Variants in RYR3 observed in about 807,000 individuals in gnomAD.
The protein encoded by RYR3 is ryanodine receptor 3, also known as brain ryanodine receptor-calcium release channel.
A neutral mutation model predicts 584.3 loss-of-function variants in RYR3; 207 were observed. The ratio of observed to expected loss-of-function variants is 0.35; its 90% CI spans 0.32 to 0.40. RYR3 has a LOEUF of 0.40. Among genes scored for constraint, RYR3 ranks in the 10% least tolerant of loss-of-function variants. RYR3 has a pLI of 1.00. For missense variants in RYR3, 5,616 were observed against 6,089.2 expected (o/e 0.92, Z 2.59); for synonymous variants, 2,416 against 2,248.5 (o/e 1.07, Z -2.11).
chr15:33,364,326 C>T (rs1975180104), intron 1 of RYR3, among the ~76,000 whole-genome samples: 1 of 152,080 alleles, frequency 6.6e-6, no homozygotes, highest in South Asian at 2.1e-4. Context: ...TCTCCTTTTT[C>T]TCTGAGTTTC....
intron 84 of RYR3, 123 bp from the exon 85 acceptor site, chr15:33,827,076 C>A: frequency 2.4e-6 from 2 of 850,398 alleles, no homozygotes; most frequent in Non-Finnish European, 3.8e-6. Flanking sequence ...CTGCCATGAC[C>A]CAAACATGGT....
At chr15:33,508,462 A>C (rs1016810100) in intron 3 of RYR3, among the ~76,000 whole-genome samples, 1 of 152,046 alleles carries the variant, frequency 6.6e-6, no homozygotes, top group African/African-American at 2.4e-5. Flanking sequence ...ATCCTGGCTA[A>C]CACAGTGAAA....
At position 33,662,864 on chromosome 15, in the gene RYR3, T is replaced by TGTGGAGGCTGGGGAGAAGGCC. The variant is rs2063248183; in HGVS notation, c.5336_5356dup (p.Val1779_Ala1785dup). 4.3e-6 allele frequency: 7 copies of TGTGGAGGCTGGGGAGAAGGCC among 1,613,722 alleles called. No individual in the cohort carries two copies. Among genetic ancestry groups the TGTGGAGGCTGGGGAGAAGGCC allele is most frequent in the Non-Finnish European group, 5.9e-6 (7 of 1,179,852 alleles). Reference sequence around the variant, plus strand: ...AAGTGACCCAGGTGGAGGAGAAGGCTGTGGAGGCTGGGGAGAAGGCCGGCA... The same window carrying TGTGGAGGCTGGGGAGAAGGCC: ...AAGTGACCCAGGTGGAGGAGAAGGCTGTGGAGGCTGGGGAGAAGGCCGTGGAGGCTGGGGAGAAGGCCGGCA... On this transcript the variant is annotated inframe_insertion, in exon 35 of 104. Transcript: ENST00000634891.
In RYR3 at chr15:33,617,991, G is replaced by C. The variant is rs149467059; in HGVS notation, c.2357+4616G>C. On this transcript the variant is annotated intron_variant, in intron 19 of 103. Transcript: ENST00000634891. The stretch of plus-strand genomic sequence containing the variant: ...TAACAACCGTATTCATTATAGAATA[G>C]AATTTGGGATGAGGTATATGTACCT... Among the ~76,000 whole-genome samples, 135 of 152,250 alleles carry C rather than the reference G, an allele frequency of 8.9e-4. 2 individuals carry two copies. In the East Asian group the frequency reaches 0.025, roughly 28 times the overall value.
In RYR3 at chr15:33,596,924, G is replaced by A. The variant is rs1049918952; in HGVS notation, c.1789-4495G>A. On this transcript the variant is annotated intron_variant, in intron 16 of 103. Coordinates refer to ENST00000634891, the MANE Select transcript of RYR3 (RefSeq NM_001036.6). ...CCTTGTTCATTCCTGGGCATAGGCC[G>A]AACTAACTTTGAGAGGAACATAGTT... Among the ~76,000 whole-genome samples the A allele has an allele frequency of 4.0e-5, 6 of 151,812 alleles. No individual in the cohort carries two copies. In the South Asian group the frequency reaches 8.3e-4, roughly 21 times the overall value.
In RYR3 at chr15:33,623,830, G is replaced by A. The variant is rs779689282; in HGVS notation, c.2381G>A (p.Arg794His). 25 of 1,612,956 alleles carry A rather than the reference G, an allele frequency of 1.5e-5. No homozygotes were observed. The highest frequency in any genetic ancestry group is 9.3e-5 in the African/African-American group (7 of 74,868). Residue 794 changes from arginine (R) to histidine (H), a missense_variant, in exon 20 of 104, where the codon CGT becomes CAT. By Grantham distance (29) the Arg-to-His change is conservative. Transcript: ENST00000634891. The stretch of plus-strand genomic sequence containing the variant: ...AGAGTACGTTTCCTGATGGGTGGAC[G>A]TCATGGAGAGTTTAAGTTCCTGCCT... ...GVKVRFLMGG[R>H]HGEFKFLPPS...
intron 19 of RYR3, 114 bp downstream of exon 19, chr15:33,613,489 C>T: frequency 9.2e-7 from 1 of 1,088,304 alleles, no homozygotes; most frequent in Non-Finnish European, 1.3e-6. Flanking sequence ...GAACTAAGTT[C>T]CCCAGGACAG....
intron 2 of RYR3, among the ~76,000 whole-genome samples, chr15:33,493,350 A>G (rs1424965130): frequency 6.6e-6 from 1 of 152,204 alleles, no homozygotes; most frequent in Non-Finnish European, 1.5e-5. Context: ...TCTTTGGAAT[A>G]ACATCTTCAT....
intron 3 of RYR3, among the ~76,000 whole-genome samples, chr15:33,527,978 T>TG (rs1345092788): frequency 6.6e-6 from 1 of 152,056 alleles, no homozygotes; most frequent in Non-Finnish European, 1.5e-5. Context: ...TTTGAACTAA[T>TG]GGGGGAGTAT....
chr15:33,396,654 G>C lies in RYR3; in HGVS notation c.52-76765G>C, dbSNP rs1227398549. Among the ~76,000 whole-genome samples, 7 of 152,294 alleles carry C rather than the reference G, an allele frequency of 4.6e-5. 1 individual carries two copies. The East Asian group carries it at 1.2e-3, about 25-fold the overall frequency. On this transcript the variant is annotated intron_variant, in intron 1 of 103. Transcript: ENST00000634891. ...ACAAATCTAATGCATGAGTGAAACA[G>C]GCTGGCCTCAGAGATAGTGGGAGTG...
chr15:33,470,134 C>G (rs2048813149), intron 1 of RYR3, among the ~76,000 whole-genome samples: 1 of 152,086 alleles, frequency 6.6e-6, no homozygotes, highest in Non-Finnish European at 1.5e-5. Flanking sequence ...ATAGTATTTC[C>G]CGATGACTAA....
At chr15:33,728,428 AATG>A (rs1319747919) in intron 46 of RYR3, among the ~76,000 whole-genome samples, 1 of 152,252 alleles carries the variant, frequency 6.6e-6, no homozygotes, top group Non-Finnish European at 1.5e-5. Context: ...AATTTTTAAT[AATG>A]AGCATGTTTA....
At chr15:33,434,736 G>A (rs370169175) in intron 1 of RYR3, among the ~76,000 whole-genome samples, 51 of 152,260 alleles carry the variant, frequency 3.3e-4, no homozygotes, top group African/African-American at 1.1e-3. Context: ...CCTCTAACCA[G>A]AATGTGTCAT....
At chr15:33,842,947 T>G (rs2078466804) in intron 91 of RYR3, among the ~76,000 whole-genome samples, 1 of 152,132 alleles carries the variant, frequency 6.6e-6, no homozygotes. Context: ...TTTATACCAA[T>G]TCTAAGCAAT....
chr15:33,402,949 T>C (rs1046473280), intron 1 of RYR3, among the ~76,000 whole-genome samples: 1 of 152,232 alleles, frequency 6.6e-6, no homozygotes, highest in South Asian at 2.1e-4. Flanking sequence ...CCTGCCTCAC[T>C]GCGTCAGCCA....
chr15:33,452,438 C>T (rs2047204026), intron 1 of RYR3, among the ~76,000 whole-genome samples: 1 of 152,126 alleles, frequency 6.6e-6, no homozygotes, highest in South Asian at 2.1e-4. Context: ...ATCTTGGCTG[C>T]AACTTTAGAA....
Position 33,865,450 on chromosome 15 carries a change from C to T in RYR3, c.*224C>T, listed in dbSNP as rs1037721049. 2.1e-5 allele frequency: 10 copies of T among 480,068 alleles called. No individual in the cohort carries two copies. Among genetic ancestry groups the T allele is most frequent in the Admixed American group, 1.1e-4 (3 of 26,830 alleles). 29.7% of individuals were successfully genotyped at this position (480,068 alleles called of 1,614,324 possible). On this transcript the variant is annotated 3_prime_UTR_variant, in exon 104 of 104. Transcript: ENST00000634891. ...CTGTCAAAATGTCGAAGAAGGAAGG[C>T]GAAGAATCAAGTAATCTCTAGGCAA...
chr15:33,826,609 C>A, intron 83 of RYR3, 63 bp from the exon 84 acceptor site: 2 of 1,317,748 alleles, frequency 1.5e-6, no homozygotes, highest in Non-Finnish European at 2.2e-6. Flanking sequence ...TAGTCATTTA[C>A]ATTAGAAAGT....
intron 14 of RYR3, among the ~76,000 whole-genome samples, chr15:33,582,322 T>G (rs2058636049): frequency 6.6e-6 from 1 of 152,128 alleles, no homozygotes; most frequent in Non-Finnish European, 1.5e-5. Context: ...TGCTCTGAAG[T>G]GTGTGTCCCA....
Sources: allele counts gnomAD v4.1 joint callset (sites outside exome capture counted in the v4.1 genomes callset), GRCh38; gene constraint gnomAD v4.1.1; transcripts MANE v1.5; gene names NCBI Gene and HGNC (gene_info 2026-07-23, HGNC 2026-07-21).